The following DENND2A variants were observed in gnomAD, a reference collection of about 807,000 sequenced individuals.
DENND2A encodes the protein DENN domain containing 2A.
DENND2A carries 53 observed loss-of-function variants against 105.3 expected under a neutral mutation model. The observed-to-expected ratio is 0.50, with a 90% CI of 0.40 to 0.63. The LOEUF (loss-of-function observed/expected upper bound fraction) is 0.63. Ranked by LOEUF, DENND2A falls within the 30% of genes least tolerant of loss-of-function variation. The probability of loss-of-function intolerance (pLI) is 0.00; values close to 1 mark genes in which losing one functional copy is unlikely to be tolerated. For synonymous variants in DENND2A, 522 were observed against 508.4 expected (o/e 1.03, Z -0.36); for missense variants, 1,138 against 1,279.6 (o/e 0.89, Z 1.69).
intron 1 of DENND2A, among the ~76,000 whole-genome samples, chr7:140,620,870 G>A (rs1454112697): frequency 6.6e-6 from 1 of 151,884 alleles, no homozygotes; most frequent in African/African-American, 2.4e-5. Flanking sequence ...GAGCGATTAT[G>A]TGGAAACCAA....
At position 140,623,557 on chromosome 7, in the gene DENND2A, G is replaced by A. The variant is rs376196863; in HGVS notation, c.-248+16947C>T. On this transcript the variant is annotated intron_variant, in intron 1 of 19. Coordinates refer to ENST00000496613, the MANE Select transcript of DENND2A (RefSeq NM_015689.5). ...AGCCTGGCCAACATGGTGAAACCCC[G>A]TCTCTACTAAAAATACAAAAATTAG... Among the ~76,000 whole-genome samples, 542 of 151,364 alleles carry A rather than the reference G, an allele frequency of 3.6e-3. 1 individual carries two copies. The highest frequency in any genetic ancestry group is 0.017 in the South Asian group (79 of 4,782).
intron 13 of DENND2A, 54 bp from the exon 14 acceptor site, chr7:140,544,820 C>T: frequency 6.5e-7 from 1 of 1,549,308 alleles, no homozygotes; most frequent in Non-Finnish European, 8.7e-7. Context: ...GCAGCCAGGC[C>T]TCTCACGGGT....
At chr7:140,562,210 T>C (rs1797645332) in intron 9 of DENND2A, among the ~76,000 whole-genome samples, 4 of 150,830 alleles carry the variant, frequency 2.7e-5, no homozygotes, top group South Asian at 4.3e-4. Flanking sequence ...TAAAACACCC[T>C]TGCAGACAAT....
chr7:140,575,780 C>T lies in DENND2A; in HGVS notation c.1246-1772G>A, dbSNP rs149502191. ...GTCAGGAGTTCGAGACCAGCCTGAC[C>T]AATATGGTGAAACCCCAGTCTCTAT... On this transcript the variant is annotated intron_variant, in intron 5 of 19. Transcript: ENST00000496613. Among the ~76,000 whole-genome samples the T allele has an allele frequency of 6.5e-3, 983 of 152,070 alleles. 9 individuals are homozygous for T. Among genetic ancestry groups the T allele is most frequent in the African/African-American group, 0.022 (932 of 41,464 alleles).
chr7:140,572,180 T>C (rs1798119231), intron 6 of DENND2A, among the ~76,000 whole-genome samples: 1 of 151,634 alleles, frequency 6.6e-6, no homozygotes, highest in Non-Finnish European at 1.5e-5. Flanking sequence ...TAATTTTAAA[T>C]TTTTTTTGTA....
intron 1 of DENND2A, among the ~76,000 whole-genome samples, chr7:140,631,566 C>G (rs1452029115): frequency 1.3e-5 from 2 of 152,078 alleles, no homozygotes; most frequent in African/African-American, 2.4e-5. Flanking sequence ...TGACATTTTT[C>G]CACCCTATTA....
Position 140,567,069 on chromosome 7 carries a change from C to G in DENND2A, c.1779+17G>C, listed in dbSNP as rs774799025. 1.3e-6 allele frequency: 2 copies of G among 1,558,292 alleles called. No homozygotes were observed. Among genetic ancestry groups the G allele is most frequent in the Admixed American group, 3.8e-5 (2 of 52,298 alleles). ...TTAGAACCCTGGCAGGCCACAGGGA[C>G]CTGGCCACCCTGTTACCTTCAGAGG... On this transcript the variant is annotated intron_variant, in intron 9 of 19. Coordinates refer to ENST00000496613, the MANE Select transcript of DENND2A (RefSeq NM_015689.5).
chr7:140,600,640 G>T (rs1052133903), intron 3 of DENND2A, among the ~76,000 whole-genome samples: 3 of 152,244 alleles, frequency 2.0e-5, no homozygotes, highest in African/African-American at 7.2e-5. Flanking sequence ...TGGTGGCCTC[G>T]GGACAGGGTA....
At chr7:140,590,519 T>C (rs1368879254) in intron 3 of DENND2A, among the ~76,000 whole-genome samples, 1 of 152,184 alleles carries the variant, frequency 6.6e-6, no homozygotes, top group Admixed American at 6.5e-5. Flanking sequence ...TTTCAAGACA[T>C]AGTTTGAATG....
chr7:140,549,968 G>C (rs1445365149), intron 12 of DENND2A, among the ~76,000 whole-genome samples: 1 of 152,172 alleles, frequency 6.6e-6, no homozygotes, highest in Non-Finnish European at 1.5e-5. Context: ...ACAGATACAT[G>C]CTACGACATG....
chr7:140,606,282 T>C (rs568723981), intron 1 of DENND2A, among the ~76,000 whole-genome samples: 1 of 152,274 alleles, frequency 6.6e-6, no homozygotes, highest in South Asian at 2.1e-4. Context: ...TCAAGTGATC[T>C]GCCTGCCTTG....
intron 12 of DENND2A, among the ~76,000 whole-genome samples, chr7:140,554,182 C>G (rs1486783849): frequency 6.6e-6 from 1 of 151,486 alleles, no homozygotes; most frequent in Non-Finnish European, 1.5e-5. Flanking sequence ...GCCGAGGTCG[C>G]ACCCTTGCAC....
chr7:140,599,638 G>A (rs947575211), intron 3 of DENND2A, among the ~76,000 whole-genome samples: 1 of 151,636 alleles, frequency 6.6e-6, no homozygotes, highest in Non-Finnish European at 1.5e-5. Context: ...AATGCTATAT[G>A]CTCCTTATCA....
intron 3 of DENND2A, among the ~76,000 whole-genome samples, chr7:140,592,388 T>G (rs1359470640): frequency 6.6e-6 from 1 of 150,710 alleles, no homozygotes; most frequent in Non-Finnish European, 1.5e-5. Flanking sequence ...TAAAATTTTA[T>G]TTTTAGTAGA....
At chr7:140,518,802 C>T in intron 19 of DENND2A, 64 bp from the exon 20 acceptor site, 1 of 1,559,046 alleles carries the variant, frequency 6.4e-7, no homozygotes, top group South Asian at 1.1e-5. Context: ...TAAATCTTGC[C>T]CTTTCCACCC....
intron 1 of DENND2A, among the ~76,000 whole-genome samples, chr7:140,611,881 T>G (rs1799910868): frequency 6.6e-6 from 1 of 152,148 alleles, no homozygotes; most frequent in African/African-American, 2.4e-5. Context: ...GTCCTAAAAT[T>G]TCATAGCGGT....
chr7:140,544,194 C>A, intron 14 of DENND2A: 1 of 265,504 alleles, frequency 3.8e-6, no homozygotes, highest in Non-Finnish European at 7.4e-6. Context: ...GCCTGGCCAT[C>A]CTTTATTTGT....
Position 140,567,239 on chromosome 7 carries a change from C to T in DENND2A, c.1626G>A (p.Arg542=). The change falls in exon 9 of 20, where the codon CGG becomes CGA. Residue 542 remains arginine (R), a synonymous_variant. Transcript: ENST00000496613. The stretch of plus-strand genomic sequence containing the variant: ...ATGGGTACCGAGGCGCCTGCTTCAG[C>T]CGGGACTTCACGTTGACCAGGCGCT... ...HSQRLVNVKS[R]LKQAPRYPSL... is the part of the protein sequence containing the mutation. 1 of 1,610,446 alleles carries T rather than the reference C, an allele frequency of 6.2e-7. No homozygotes were observed. The highest frequency in any genetic ancestry group is 8.5e-7 in the Non-Finnish European group (1 of 1,178,600).
intron 1 of DENND2A, among the ~76,000 whole-genome samples, chr7:140,626,919 G>A (rs1425578200): frequency 6.6e-6 from 1 of 152,232 alleles, no homozygotes; most frequent in African/African-American, 2.4e-5. Context: ...GAATCAGACA[G>A]ACCCAGGTTT....
Sources: allele counts gnomAD v4.1 joint callset (sites outside exome capture counted in the v4.1 genomes callset), GRCh38; gene constraint gnomAD v4.1.1; transcripts MANE v1.5; gene names NCBI Gene and HGNC (gene_info 2026-07-23, HGNC 2026-07-21).